MTMR7: variants seen among roughly 807,000 people sequenced by gnomAD.
MTMR7 encodes the protein myotubularin related protein 7, also known as phosphatidylinositol-3-phosphate phosphatase MTMR7.
MTMR7 carries 76 observed loss-of-function variants against 81.2 expected under a neutral mutation model. That is an observed-to-expected ratio of 0.94 (90% CI 0.78 to 1.13). The LOEUF is 1.13. MTMR7 is among the 50% of genes most tolerant of loss of function. The probability of loss-of-function intolerance (pLI) is 0.00; values close to 1 mark genes in which losing one functional copy is unlikely to be tolerated. For missense variants in MTMR7, 1,044 were observed against 820.0 expected (o/e 1.27, Z -3.34); for synonymous variants, 372 against 289.8 (o/e 1.28, Z -2.88).
chr8:17,306,146 G>A (rs181563223), intron 10 of MTMR7, among the ~76,000 whole-genome samples, 189 bp from the exon 11 acceptor site: 7 of 152,198 alleles, frequency 4.6e-5, no homozygotes, highest in African/African-American at 1.2e-4. Context: ...TTGTAGTGAC[G>A]GTCTGGATAG....
intron 5 of MTMR7, among the ~76,000 whole-genome samples, chr8:17,347,500 G>A (rs190012174): frequency 2.6e-5 from 4 of 152,176 alleles, no homozygotes; most frequent in East Asian, 1.9e-4. Flanking sequence ...TCTACCCCCC[G>A]GCTGTAGGTG....
chr8:17,342,272 C>G (rs1314044542), intron 5 of MTMR7, among the ~76,000 whole-genome samples: 4 of 152,174 alleles, frequency 2.6e-5, no homozygotes, highest in African/African-American at 7.2e-5. Flanking sequence ...AAAGTACTTT[C>G]ATGGATTTAG....
At chr8:17,400,694 A>G (rs1821400888) in intron 1 of MTMR7, among the ~76,000 whole-genome samples, 1 of 152,222 alleles carries the variant, frequency 6.6e-6, no homozygotes, top group African/African-American at 2.4e-5. Flanking sequence ...TTTATTGCAC[A>G]ATATTTAACA....
chr8:17,368,900 TC>T (rs1820320301), intron 3 of MTMR7, among the ~76,000 whole-genome samples: 1 of 152,184 alleles, frequency 6.6e-6, no homozygotes, highest in Non-Finnish European at 1.5e-5. Context: ...AATACCTAAC[TC>T]CCTTCATCTT....
intron 6 of MTMR7, among the ~76,000 whole-genome samples, chr8:17,331,789 G>T (rs1019271719): frequency 6.6e-6 from 1 of 152,184 alleles, no homozygotes; most frequent in Non-Finnish European, 1.5e-5. Context: ...CAGATGCCCA[G>T]TTAAACCTTG....
chr8:17,369,884 A>G (rs898315877), intron 3 of MTMR7, among the ~76,000 whole-genome samples: 1 of 151,810 alleles, frequency 6.6e-6, no homozygotes, highest in African/African-American at 2.4e-5. Flanking sequence ...TGACTTTGCA[A>G]TCCGCCTGCC....
intron 1 of MTMR7, 57 bp downstream of exon 1, chr8:17,413,212 T>C: frequency 1.4e-6 from 2 of 1,471,086 alleles, no homozygotes; most frequent in East Asian, 2.6e-5. Flanking sequence ...TCAGCATCCC[T>C]CCTCCTCCTC....
At chr8:17,341,275 G>C in intron 6 of MTMR7, 88 bp downstream of exon 6, 8 of 1,545,902 alleles carry the variant, frequency 5.2e-6, no homozygotes, top group Non-Finnish European at 4.4e-6. Flanking sequence ...GAAGCAACCT[G>C]CACAAGAGAT....
intron 1 of MTMR7, among the ~76,000 whole-genome samples, chr8:17,379,313 G>A (rs1820689238): frequency 1.3e-5 from 2 of 152,142 alleles, no homozygotes; most frequent in Non-Finnish European, 2.9e-5. Flanking sequence ...AGTGGGGTTT[G>A]AGCGGGCAGA....
chr8:17,407,419 G>C (rs1821619523), intron 1 of MTMR7, among the ~76,000 whole-genome samples: 1 of 152,070 alleles, frequency 6.6e-6, no homozygotes, highest in Admixed American at 6.5e-5. Flanking sequence ...TTTTCGGAAA[G>C]TCATTTGGTA....
chr8:17,345,859 G>C (rs1343063326), intron 5 of MTMR7, among the ~76,000 whole-genome samples: 1 of 152,226 alleles, frequency 6.6e-6, no homozygotes, highest in East Asian at 1.9e-4. Flanking sequence ...CCCTTTGGTA[G>C]CATACGTGGG....
intron 1 of MTMR7, among the ~76,000 whole-genome samples, chr8:17,387,434 C>T (rs1023815576): frequency 1.3e-5 from 2 of 152,156 alleles, no homozygotes; most frequent in African/African-American, 4.8e-5. Flanking sequence ...AAAATTCACC[C>T]CAGTAATCTT....
intron 4 of MTMR7, among the ~76,000 whole-genome samples, chr8:17,352,622 A>G (rs1404605440): frequency 6.6e-6 from 1 of 152,188 alleles, no homozygotes; most frequent in Non-Finnish European, 1.5e-5. Context: ...AAACTTAAAA[A>G]CTTTTATACA....
chr8:17,393,536 T>C (rs1004126132), intron 1 of MTMR7, among the ~76,000 whole-genome samples: 1 of 152,100 alleles, frequency 6.6e-6, no homozygotes, highest in African/African-American at 2.4e-5. Flanking sequence ...AAAAGACAGA[T>C]AACCCAATTT....
intron 1 of MTMR7, among the ~76,000 whole-genome samples, chr8:17,386,171 T>C (rs1243621893): frequency 1.3e-5 from 2 of 151,920 alleles, no homozygotes; most frequent in Non-Finnish European, 1.5e-5. Flanking sequence ...AGCCCAGGAG[T>C]TAGAGACCAG....
chr8:17,367,542 T>G (rs775432949), intron 3 of MTMR7, among the ~76,000 whole-genome samples: 6 of 152,222 alleles, frequency 3.9e-5, no homozygotes, highest in Non-Finnish European at 7.3e-5. Context: ...CTTCCTGCAT[T>G]TGGGCATGTT....
intron 1 of MTMR7, among the ~76,000 whole-genome samples, chr8:17,377,349 T>C (rs1361728692): frequency 6.6e-6 from 1 of 152,136 alleles, no homozygotes; most frequent in Non-Finnish European, 1.5e-5. Context: ...TTTTCAAATT[T>C]TTACAATCTT....
At chr8:17,374,578 G>A (rs946868191) in intron 1 of MTMR7, among the ~76,000 whole-genome samples, 15 of 151,850 alleles carry the variant, frequency 9.9e-5, no homozygotes, top group Admixed American at 8.5e-4. Context: ...CTGAGATTGC[G>A]CCACCGTACC....
At chr8:17,356,889 A>T (rs1307085889) in intron 4 of MTMR7, among the ~76,000 whole-genome samples, 2 of 152,172 alleles carry the variant, frequency 1.3e-5, no homozygotes, top group Non-Finnish European at 2.9e-5. Context: ...TCTTGCAAGC[A>T]GGCCAATATG....
Sources: gnomAD v4.1 joint callset for allele counts (sites outside exome capture counted in the v4.1 genomes callset) on GRCh38, gnomAD v4.1.1 for gene constraint, MANE v1.5 for transcripts, NCBI Gene and HGNC (gene_info 2026-07-23, HGNC 2026-07-21) for gene names.